The following TRIO variants were observed in gnomAD, a reference collection of about 807,000 sequenced individuals.
TRIO encodes the protein trio Rho guanine nucleotide exchange factor.
In TRIO, 58 loss-of-function variants were observed where a neutral mutation model predicts 351.9. The ratio of observed to expected loss-of-function variants is 0.16; its 90% confidence interval spans 0.13 to 0.21. The LOEUF is 0.21. Ranked by LOEUF, TRIO falls within the 10% of genes least tolerant of loss-of-function variation. The probability of loss-of-function intolerance (pLI) is 1.00; values close to 1 mark genes in which losing one functional copy is unlikely to be tolerated. For missense variants in TRIO, 3,201 were observed against 4,027.8 expected (o/e 0.79, Z 5.56); for synonymous variants, 1,758 against 1,595.7 (o/e 1.10, Z -2.42).
intron 34 of TRIO, among the ~76,000 whole-genome samples, chr5:14,424,640 A>G (rs1335899391): frequency 6.6e-6 from 1 of 152,228 alleles, no homozygotes; most frequent in Non-Finnish European, 1.5e-5. Context: ...TCCAGTGGGC[A>G]CTACCAAGAT....
At chr5:14,473,662 A>C (rs1754840561) in intron 39 of TRIO, among the ~76,000 whole-genome samples, 1 of 152,242 alleles carries the variant, frequency 6.6e-6, no homozygotes, top group Non-Finnish European at 1.5e-5. Context: ...AAAACAGGAG[A>C]TATGATTCTG....
rs768003700 is a variant in TRIO at position 14,492,645 on chromosome 5, A to G, written c.7711A>G (p.Asn2571Asp). 1 of 1,614,246 alleles carries G rather than the reference A, an allele frequency of 6.2e-7. No individual in the cohort carries two copies. The highest frequency in any genetic ancestry group is 8.5e-7 in the Non-Finnish European group (1 of 1,180,052). ...DYTAVKEDEI[N>D]VYQGEVVQIL... is the part of the protein sequence containing the mutation. ...CACGGCAGTGAAGGAGGATGAGATC[A>G]ACGTCTACCAAGGAGAGGTCGTTCA... Residue 2571 changes from asparagine to aspartate, a missense_variant, in exon 49 of 57, where the codon AAC becomes GAC. Transcript: ENST00000344204.
chr5:14,473,298 T>C (rs890311985), intron 39 of TRIO, among the ~76,000 whole-genome samples: 3 of 152,248 alleles, frequency 2.0e-5, no homozygotes, highest in Admixed American at 2.0e-4. Context: ...ATTTTTGTGG[T>C]ATAAAATTTT....
chr5:14,235,709 G>T (rs554862557), intron 1 of TRIO, among the ~76,000 whole-genome samples: 1 of 152,006 alleles, frequency 6.6e-6, no homozygotes, highest in African/African-American at 2.4e-5. Flanking sequence ...ACACCCATTC[G>T]AATCCACAAG....
At position 14,487,743 on chromosome 5, in the gene TRIO, C is replaced by T. The variant is rs199631028; in HGVS notation, c.7115C>T (p.Pro2372Leu). Residue 2372 changes from proline to leucine, a missense_variant, in exon 48 of 57, where the codon CCC becomes CTC. Pro to Leu is a moderately conservative substitution (Grantham distance 98, BLOSUM62 -3). Around this residue, in one of 19 missense-constraint regions of TRIO, gnomAD observed 1,089 missense variants for 954.9 expected, o/e 1.14. Coordinates refer to ENST00000344204, the MANE Select transcript of TRIO (RefSeq NM_007118.4). The part of the protein sequence containing the change: ...EADKMSGTST[P>L]GPSLPPPGAA... ...GACAAGATGTCAGGTACGTCCACCC[C>T]CGGGCCCTCCCTGCCTCCCCCTGGC... 1,154 of 1,407,548 alleles carry T rather than the reference C, an allele frequency of 8.2e-4. 3 individuals are homozygous for T. In the African/African-American group the frequency reaches 0.015, roughly 18 times the overall value. The allele number at this position is 1,407,548 out of a possible 1,614,324, so 87.2% of individuals were successfully genotyped here. A position where few individuals can be genotyped will look rare whatever the true frequency, so the allele number is the denominator to read the frequency against.
At chr5:14,358,404 C>T in intron 12 of TRIO, 57 bp downstream of exon 12, 3 of 1,591,138 alleles carry the variant, frequency 1.9e-6, no homozygotes, top group Non-Finnish European at 2.6e-6. Flanking sequence ...CTGTGACTCC[C>T]CTTCCCCTTT....
At position 14,487,508 on chromosome 5, in the gene TRIO, GGCGGCGGCGGCGGCAGCGGGGGCA is replaced by G. The variant is rs767680648; in HGVS notation, c.6888_6911del (p.Ser2299_Gly2306del). 16 of 1,076,466 alleles carry G rather than the reference GGCGGCGGCGGCGGCAGCGGGGGCA, an allele frequency of 1.5e-5. No individual in the cohort carries two copies. The highest frequency in any genetic ancestry group is 4.2e-5 in the Admixed American group (1 of 23,988). The allele number at this position is 1,076,466 out of a possible 1,614,324, so 66.7% of individuals were successfully genotyped here. A position where few individuals can be genotyped will look rare whatever the true frequency, so the allele number is the denominator to read the frequency against. On this transcript the variant is annotated inframe_deletion, in exon 48 of 57. Transcript: ENST00000344204. ...GTACCAGAGGAACCACAGCGGGGGC[GGCGGCGGCGGCGGCAGCGGGGGCA>G]GCGGCGGGGGTGGGGGCAGCGGCGG...
intron 1 of TRIO, among the ~76,000 whole-genome samples, chr5:14,229,925 A>G (rs886472846): frequency 9.2e-5 from 14 of 152,306 alleles, no homozygotes; most frequent in African/African-American, 3.4e-4. Flanking sequence ...TCTTTGAGTC[A>G]GTCTTGCTGT....
At position 14,461,123 on chromosome 5, in the gene TRIO, G is replaced by T; in HGVS notation, c.5308G>T (p.Gly1770Cys). The T allele has an allele frequency of 6.4e-7, 1 of 1,557,706 alleles. No individual in the cohort carries two copies. The highest frequency in any genetic ancestry group is 8.7e-7 in the Non-Finnish European group (1 of 1,151,632). ...AQSSPGPKRP[G>C]NTLRKWLTSP... ...GAGCTCGCCGGGCCCCAAGCGGCCG[G>T]GCAACACCCTGCGCAAGTGGCTCAC... The change falls in exon 35 of 57, where the codon GGC becomes TGC. Residue 1770 changes from glycine (G) to cysteine (C), a missense_variant. Transcript: ENST00000344204.
At chr5:14,200,305 AGAGAAG>A (rs1365938488) in intron 1 of TRIO, among the ~76,000 whole-genome samples, 7 of 152,254 alleles carry the variant, frequency 4.6e-5, no homozygotes, top group African/African-American at 1.7e-4. Context: ...CCTGCTCAAG[AGAGAAG>A]GCTTCCTGCC....
chr5:14,171,581 G>A (rs1209714818), intron 1 of TRIO, among the ~76,000 whole-genome samples: 1 of 152,180 alleles, frequency 6.6e-6, no homozygotes, highest in African/African-American at 2.4e-5. Context: ...CACCGGTGGA[G>A]GTACAGATGG....
At position 14,366,958 on chromosome 5, in the gene TRIO, G is replaced by A. The variant is rs1216274979; in HGVS notation, c.2853G>A (p.Glu951=). Residue 951 remains glutamate (E), a synonymous_variant, in exon 16 of 57, where the codon GAG becomes GAA. Coordinates refer to ENST00000344204, the MANE Select transcript of TRIO (RefSeq NM_007118.4). ...CAGAGCAGCTCCAGCGAGAGCACGA[G>A]CAGTTCCAGCATGCCATTGAGGTAA... ...QEAEQLQREH[E]QFQHAIEKTH... 6.2e-7 allele frequency: 1 copy of A among 1,614,034 alleles called. No individual in the cohort carries two copies. The highest frequency in any genetic ancestry group is 1.3e-5 in the African/African-American group (1 of 74,922).
At chr5:14,342,886 G>T (rs1742066187) in intron 11 of TRIO, among the ~76,000 whole-genome samples, 1 of 152,130 alleles carries the variant, frequency 6.6e-6, no homozygotes, top group Non-Finnish European at 1.5e-5. Flanking sequence ...CTGAACCGTT[G>T]TAAGTCCATA....
chr5:14,304,462 A>G lies in TRIO; in HGVS notation c.1370A>G (p.Tyr457Cys), dbSNP rs757422994. ...SSIFHQKAEK[Y>C]MSNVDSWCKA... Reference sequence around the variant, plus strand: ...ATAATCTTTTTTTAACCTTCCAAGTATATGAGCAACGTGGATTCATGGTGT... The same window carrying G: ...ATAATCTTTTTTTAACCTTCCAAGTGTATGAGCAACGTGGATTCATGGTGT... The change falls in exon 8 of 57, where the codon TAT becomes TGT. Residue 457 changes from tyrosine to cysteine, a missense_variant and splice_region_variant. By Grantham distance (194) the Tyr-to-Cys change is radical. Transcript: ENST00000344204. The G allele has an allele frequency of 1.2e-6, 2 of 1,607,736 alleles. No homozygotes were observed. The highest frequency in any genetic ancestry group is 1.3e-5 in the African/African-American group (1 of 74,530).
At chr5:14,488,403 C>A in intron 48 of TRIO, 143 bp downstream of exon 48, 1 of 1,309,256 alleles carries the variant, frequency 7.6e-7, no homozygotes, top group Non-Finnish European at 1.0e-6. Context: ...ACCAGGCTAA[C>A]CCTCCTGCGG....
At chr5:14,391,902 T>A (rs989589916) in intron 27 of TRIO, among the ~76,000 whole-genome samples, 5 of 152,256 alleles carry the variant, frequency 3.3e-5, no homozygotes, top group Non-Finnish European at 4.4e-5. Context: ...ACATTACACA[T>A]CACTGCCTTT....
chr5:14,358,098 TG>T, intron 11 of TRIO, 79 bp from the exon 12 acceptor site: 1 of 1,501,282 alleles, frequency 6.7e-7, no homozygotes, highest in East Asian at 2.4e-5. Context: ...CCGTCTCCAC[TG>T]GGGCCCCTTG....
chr5:14,363,914 G>A lies in TRIO; in HGVS notation c.2574G>A (p.Glu858=). 6.2e-7 allele frequency: 1 copy of A among 1,613,746 alleles called. No individual in the cohort carries two copies. The highest frequency in any genetic ancestry group is 8.5e-7 in the Non-Finnish European group (1 of 1,179,724). Residue 858 remains glutamate, a synonymous_variant, in exon 14 of 57, where the codon GAG becomes GAA. Transcript: ENST00000344204. The part of the protein sequence containing the change: ...QGQDLLQYVN[E]VQASGVELLC... ...AAGATCTTCTGCAGTATGTCAATGA[G>A]GTCCAGGCCTCTGGTAAGAGGGCTC... is the stretch of plus-strand genomic sequence containing the variant.
At chr5:14,428,475 A>G (rs1355222441) in intron 34 of TRIO, among the ~76,000 whole-genome samples, 4 of 152,318 alleles carry the variant, frequency 2.6e-5, no homozygotes, top group Middle Eastern at 3.4e-3. Context: ...ACCAAAGAAC[A>G]TGGAGTTACA....
Sources: gnomAD v4.1 joint callset for allele counts (sites outside exome capture counted in the v4.1 genomes callset) on GRCh38, gnomAD v4.1.1 for gene constraint, gnomAD v4.1.1 regional missense constraint, MANE v1.5 for transcripts, NCBI Gene and HGNC (gene_info 2026-07-23, HGNC 2026-07-21) for gene names.